Variants in SPATA18 observed in about 807,000 individuals in gnomAD.
SPATA18 encodes spermatogenesis associated 18.
In SPATA18, 54 loss-of-function variants were observed where a neutral mutation model predicts 68.1. That is an observed-to-expected ratio of 0.79 (90% CI 0.64 to 0.99). The LOEUF is 0.99. SPATA18 is among the 50% of genes least tolerant of loss of function. The pLI is 0.00. For missense variants in SPATA18, 724 were observed against 681.1 expected (o/e 1.06, Z -0.70); for synonymous variants, 242 against 244.8 (o/e 0.99, Z 0.11).
At chr4:52,068,576 G>T (rs1363205341) in intron 4 of SPATA18, among the ~76,000 whole-genome samples, 1 of 152,168 alleles carries the variant, frequency 6.6e-6, no homozygotes, top group African/African-American at 2.4e-5. Flanking sequence ...TCGGTGTCTG[G>T]TTAGGATCTG....
chr4:52,051,685 G>C lies in SPATA18; in HGVS notation c.-20G>C. On this transcript the variant is annotated 5_prime_UTR_variant, in exon 1 of 13. Coordinates refer to ENST00000295213, the MANE Select transcript of SPATA18 (RefSeq NM_145263.4). ...CCAAGTCTCCATCGCGCAGCGTGGG[G>C]CCGAGAGGAATAGTGAGCGATGGCG... is the stretch of plus-strand genomic sequence containing the variant. 1.2e-6 allele frequency: 2 copies of C among 1,613,388 alleles called. No homozygotes were observed. Among genetic ancestry groups the C allele is most frequent in the South Asian group, 2.2e-5 (2 of 91,074 alleles).
chr4:52,080,430 T>C (rs1740822005), intron 9 of SPATA18, among the ~76,000 whole-genome samples: 1 of 152,178 alleles, frequency 6.6e-6, no homozygotes, highest in Non-Finnish European at 1.5e-5. Flanking sequence ...CTTGACTCTT[T>C]TGTCTAGGAC....
chr4:52,060,732 T>A, intron 2 of SPATA18, 50 bp from the exon 3 acceptor site: 1 of 1,459,554 alleles, frequency 6.9e-7, no homozygotes, highest in Non-Finnish European at 9.6e-7. Context: ...TATGTATACA[T>A]GTGCCATGTT....
At chr4:52,060,568 C>A (rs764794740) in intron 2 of SPATA18, 44 bp downstream of exon 2, 11 of 1,571,742 alleles carry the variant, frequency 7.0e-6, no homozygotes, top group Non-Finnish European at 8.7e-6. Context: ...GCTTGCCTTT[C>A]TCTCTTTTCT....
chr4:52,081,337 C>G (rs564608639), intron 9 of SPATA18, among the ~76,000 whole-genome samples: 1 of 152,212 alleles, frequency 6.6e-6, no homozygotes, highest in Non-Finnish European at 1.5e-5. Context: ...GGATTTAGTT[C>G]TACTTCTAGA....
At chr4:52,056,560 C>CT (rs35507109) in intron 1 of SPATA18, among the ~76,000 whole-genome samples, 65,284 of 151,994 alleles carry the variant, frequency 0.43, 16,689 homozygotes, top group Non-Finnish European at 0.57. Context: ...GGCCCCCTGA[C>CT]TTGTTCAAAC....
At chr4:52,076,716 A>G (rs1274934629) in intron 6 of SPATA18, 63 bp from the exon 7 acceptor site, 1 of 1,590,454 alleles carries the variant, frequency 6.3e-7, no homozygotes, top group African/African-American at 1.3e-5. Context: ...CCACCAGATG[A>G]TCTTTGCTTT....
chr4:52,078,707 A>G, intron 7 of SPATA18, 28 bp from the exon 8 acceptor site: 3 of 1,500,440 alleles, frequency 2.0e-6, no homozygotes, highest in South Asian at 1.4e-5. Context: ...CTTTTCACCA[A>G]ATAAATTTGC....
intron 10 of SPATA18, 176 bp downstream of exon 10, chr4:52,082,686 AT>A: frequency 6.9e-7 from 1 of 1,453,586 alleles, no homozygotes; most frequent in South Asian, 1.4e-5. Flanking sequence ...TGATTCTTCC[AT>A]AATTCTGCAT....
rs558976657 is a variant in SPATA18 at position 52,082,564 on chromosome 4, C to T, written c.1479+54C>T. ...ATCCCAAGTGTTTGATTCACAAGTT[C>T]GAGAACATTTATAAACCCAGAGATT... On this transcript the variant is annotated intron_variant, in intron 10 of 12. Transcript: ENST00000295213. 1.8e-4 allele frequency: 295 copies of T among 1,612,874 alleles called. 3 individuals carry two copies. In the South Asian group the frequency reaches 3.0e-3, roughly 16 times the overall value.
chr4:52,051,907 C>G, intron 1 of SPATA18, 116 bp downstream of exon 1: 1 of 889,456 alleles, frequency 1.1e-6, no homozygotes, highest in Non-Finnish European at 1.8e-6. Context: ...TCCGCGGTTG[C>G]GATTCCTAAC....
At chr4:52,085,045 GGC>G (rs1560608210) in intron 11 of SPATA18, 46 bp downstream of exon 11, 2 of 1,346,796 alleles carry the variant, frequency 1.5e-6, no homozygotes, top group Admixed American at 2.7e-5. Flanking sequence ...ATCTATGGTT[GGC>G]TTTTTTTTTT....
chr4:52,051,845 G>A, intron 1 of SPATA18, 54 bp downstream of exon 1: 2 of 1,522,928 alleles, frequency 1.3e-6, no homozygotes, highest in Non-Finnish European at 1.8e-6. Flanking sequence ...TTCCAGCACA[G>A]CCCTTGTCGG....
intron 6 of SPATA18, among the ~76,000 whole-genome samples, chr4:52,073,793 G>T (rs1024196025): frequency 1.3e-5 from 2 of 152,168 alleles, no homozygotes; most frequent in Non-Finnish European, 2.9e-5. Flanking sequence ...TTGGGAGAGT[G>T]TGTTTAGCCA....
chr4:52,082,747 A>G (rs1741056492), intron 10 of SPATA18: 6 of 1,349,094 alleles, frequency 4.4e-6, no homozygotes, highest in Admixed American at 3.0e-5. Flanking sequence ...AGGAGATGGA[A>G]TCAGTCATAT....
At chr4:52,083,739 G>T (rs1304839853) in intron 10 of SPATA18, among the ~76,000 whole-genome samples, 3 of 134,758 alleles carry the variant, frequency 2.2e-5, no homozygotes, top group African/African-American at 7.7e-5. Context: ...GTAAGATCCT[G>T]TCTTTTTTTT....
chr4:52,083,605 C>T, intron 10 of SPATA18: 1 of 384,606 alleles, frequency 2.6e-6, no homozygotes, highest in Non-Finnish European at 3.6e-6. Flanking sequence ...ATTAGCTGGG[C>T]ATCGTGGTGC....
At position 52,082,294 on chromosome 4, in the gene SPATA18, A is replaced by G. The variant is rs1044603749; in HGVS notation, c.1356-93A>G. On this transcript the variant is annotated intron_variant, in intron 9 of 12. Coordinates refer to ENST00000295213, the MANE Select transcript of SPATA18 (RefSeq NM_145263.4). ...GACCTATATTTACTCAGATCTGAGC[A>G]TAATACAAAATGAGAATTCACACTG... 4.2e-6 allele frequency: 5 copies of G among 1,192,738 alleles called. No individual in the cohort carries two copies. In the Admixed American group the frequency reaches 9.1e-5, roughly 22 times the overall value. The allele number at this position is 1,192,738 out of a possible 1,614,324, so 73.9% of individuals were successfully genotyped here. A position where few individuals can be genotyped will look rare whatever the true frequency, so the allele number is the denominator to read the frequency against.
intron 7 of SPATA18, among the ~76,000 whole-genome samples, chr4:52,077,779 T>C (rs1740526098): frequency 6.6e-6 from 1 of 152,178 alleles, no homozygotes; most frequent in Non-Finnish European, 1.5e-5. Flanking sequence ...ACTGCTTACA[T>C]ATCAGCTATT....
Sources: gnomAD v4.1 joint callset for allele counts (sites outside exome capture counted in the v4.1 genomes callset) on GRCh38, gnomAD v4.1.1 for gene constraint, MANE v1.5 for transcripts, NCBI Gene and HGNC (gene_info 2026-07-23, HGNC 2026-07-21) for gene names.